Variants in PCDH9 observed in about 807,000 individuals in gnomAD.
The protein encoded by PCDH9 is protocadherin 9.
In PCDH9, 24 loss-of-function variants were observed where a neutral mutation model predicts 70.6. The observed-to-expected ratio is 0.34, with a 90% CI of 0.25 to 0.48. The LOEUF (loss-of-function observed/expected upper bound fraction) is 0.48. PCDH9 is among the 20% of genes least tolerant of loss of function. PCDH9 has a pLI of 0.99. For synonymous variants in PCDH9, 562 were observed against 558.5 expected, an observed-to-expected ratio of 1.01 and a Z score of -0.09; for missense variants, 1,281 against 1,503.6, an observed-to-expected ratio of 0.85 and a Z score of 2.45.
intron 4 of PCDH9, among the ~76,000 whole-genome samples, chr13:66,445,169 TTA>T (rs1190676501): frequency 6.1e-5 from 9 of 146,774 alleles, no homozygotes; most frequent in East Asian, 2.0e-4. Context: ...ATATTATATA[TTA>T]TATATATATA....
chr13:66,901,085 T>C (rs2082269307), intron 3 of PCDH9, among the ~76,000 whole-genome samples: 1 of 151,722 alleles, frequency 6.6e-6, no homozygotes. Context: ...TAAGCATTTA[T>C]ACAGAAACCT....
Position 66,523,106 on chromosome 13 carries a change from G to A in PCDH9, c.3340+108104C>T, listed in dbSNP as rs566998194. On this transcript the variant is annotated intron_variant, in intron 4 of 4. Coordinates refer to ENST00000377865, the MANE Select transcript of PCDH9 (RefSeq NM_203487.3). Reference sequence around the variant, plus strand: ...GTTTAAGGTGAATTCATAGCAATTTGTTCAAGAAAGAATCATCAGCATTCT... The same window carrying A: ...GTTTAAGGTGAATTCATAGCAATTTATTCAAGAAAGAATCATCAGCATTCT... Among the ~76,000 whole-genome samples, 51 of 152,092 alleles carry A rather than the reference G, an allele frequency of 3.4e-4. 1 individual carries two copies. The Middle Eastern group carries it at 0.014, about 41-fold the overall frequency.
At chr13:66,403,095 CA>C (rs60896270) in intron 4 of PCDH9, among the ~76,000 whole-genome samples, 7 of 149,214 alleles carry the variant, frequency 4.7e-5, no homozygotes, top group East Asian at 2.0e-4. Flanking sequence ...AAGGAACTGT[CA>C]AAAAAAAAGG....
At chr13:67,200,198 G>T (rs1338779981) in intron 2 of PCDH9, among the ~76,000 whole-genome samples, 1 of 151,904 alleles carries the variant, frequency 6.6e-6, no homozygotes, top group African/African-American at 2.4e-5. Context: ...TTTTTAATTA[G>T]TATCTAAATA....
intron 2 of PCDH9, among the ~76,000 whole-genome samples, chr13:66,986,527 A>G (rs184971794): frequency 1.3e-5 from 2 of 152,182 alleles, no homozygotes; most frequent in African/African-American, 4.8e-5. Flanking sequence ...AAACTGTGGT[A>G]TTAGAAATAA....
chr13:67,214,237 GATT>G (rs1196017755), intron 2 of PCDH9: 3 of 152,196 alleles, frequency 2.0e-5, no homozygotes, highest in African/African-American at 7.2e-5. Context: ...AGCTGTTGGT[GATT>G]ATGCTTCTAC....
At chr13:66,426,733 G>T (rs1463320691) in intron 4 of PCDH9, among the ~76,000 whole-genome samples, 1 of 151,114 alleles carries the variant, frequency 6.6e-6, no homozygotes, top group Non-Finnish European at 1.5e-5. Flanking sequence ...TCTTAATAAA[G>T]GTTTACCACA....
intron 2 of PCDH9, among the ~76,000 whole-genome samples, chr13:67,168,634 G>A (rs2088190660): frequency 6.6e-6 from 1 of 152,076 alleles, no homozygotes; most frequent in African/African-American, 2.4e-5. Context: ...AAGAGGCTGA[G>A]ATGGGGGGAT....
intron 4 of PCDH9, among the ~76,000 whole-genome samples, chr13:66,583,139 G>A (rs1171567629): frequency 1.4e-5 from 2 of 147,894 alleles, no homozygotes; most frequent in African/African-American, 2.5e-5. Flanking sequence ...TCATTTTGGC[G>A]TCATGAACTA....
chr13:66,936,449 T>C (rs1348631871), intron 2 of PCDH9, among the ~76,000 whole-genome samples: 2 of 152,196 alleles, frequency 1.3e-5, no homozygotes, highest in African/African-American at 4.8e-5. Context: ...TTTAAAGGCA[T>C]ATTTCTTCCA....
intron 4 of PCDH9, among the ~76,000 whole-genome samples, chr13:66,579,352 T>C (rs898944272): frequency 6.6e-6 from 1 of 152,034 alleles, no homozygotes; most frequent in Non-Finnish European, 1.5e-5. Flanking sequence ...GCAGCTAAAA[T>C]GCTAAACTTC....
chr13:66,538,650 T>C (rs762710337), intron 4 of PCDH9, among the ~76,000 whole-genome samples: 34 of 152,156 alleles, frequency 2.2e-4, no homozygotes, highest in Admixed American at 5.2e-4. Flanking sequence ...ATTAAAATCT[T>C]CAACTGATTG....
At chr13:67,153,987 AT>A (rs2087732111) in intron 2 of PCDH9, among the ~76,000 whole-genome samples, 1 of 152,244 alleles carries the variant, frequency 6.6e-6, no homozygotes, top group Non-Finnish European at 1.5e-5. Flanking sequence ...CGAGGCATAT[AT>A]TGTTTTGTGC....
At chr13:66,458,514 AT>A (rs1278531656) in intron 4 of PCDH9, among the ~76,000 whole-genome samples, 2 of 151,944 alleles carry the variant, frequency 1.3e-5, no homozygotes, top group Non-Finnish European at 2.9e-5. Context: ...CATTTTGCTG[AT>A]TTCTACTGCT....
intron 4 of PCDH9, among the ~76,000 whole-genome samples, chr13:66,318,874 A>G (rs1263609268): frequency 6.6e-6 from 1 of 152,170 alleles, no homozygotes; most frequent in East Asian, 1.9e-4. Context: ...TCTTCTTGGC[A>G]TAATAACTGG....
At chr13:66,692,768 AG>A in intron 3 of PCDH9, among the ~76,000 whole-genome samples, 1 of 152,170 alleles carries the variant, frequency 6.6e-6, no homozygotes, top group South Asian at 2.1e-4. Flanking sequence ...ACTATTATTT[AG>A]AGACGAACTA....
chr13:67,152,615 G>C (rs1390141119), intron 2 of PCDH9, among the ~76,000 whole-genome samples: 1 of 152,158 alleles, frequency 6.6e-6, no homozygotes, highest in Non-Finnish European at 1.5e-5. Context: ...CTTGTGGAAA[G>C]GAAGGAATAT....
intron 2 of PCDH9, among the ~76,000 whole-genome samples, chr13:67,055,922 G>A (rs1398991722): frequency 1.3e-5 from 2 of 152,144 alleles, no homozygotes; most frequent in African/African-American, 4.8e-5. Context: ...GGAGTCTGAG[G>A]AGGAAGGATC....
intron 3 of PCDH9, among the ~76,000 whole-genome samples, chr13:66,813,628 T>A (rs551136441): frequency 6.6e-6 from 1 of 152,274 alleles, no homozygotes; most frequent in African/African-American, 2.4e-5. Context: ...AGAAAAAATA[T>A]ATCGTTTGAT....
Sources: gnomAD v4.1 joint callset for allele counts (sites outside exome capture counted in the v4.1 genomes callset) on GRCh38, gnomAD v4.1.1 for gene constraint, MANE v1.5 for transcripts, NCBI Gene and HGNC (gene_info 2026-07-23, HGNC 2026-07-21) for gene names.